ZNF33B: variants seen among roughly 807,000 people sequenced by gnomAD.
The protein encoded by ZNF33B is zinc finger protein 33B, also known as zinc finger protein 11b (KOX 2).
A neutral mutation model predicts 45.8 loss-of-function variants in ZNF33B; 29 were observed. That is an observed-to-expected ratio of 0.63 (90% CI 0.47 to 0.86). ZNF33B has a LOEUF of 0.86. Among genes scored for constraint, ZNF33B ranks in the 40% least tolerant of loss-of-function variants. The probability of loss-of-function intolerance (pLI) is 0.00; values close to 1 mark genes in which losing one functional copy is unlikely to be tolerated. For synonymous variants in ZNF33B, 305 were observed against 307.8 expected (o/e 0.99, Z 0.10); for missense variants, 831 against 909.9 (o/e 0.91, Z 1.12).
chr10:42,617,086 T>G (rs209380), intron 4 of ZNF33B, among the ~76,000 whole-genome samples: 1 of 134,354 alleles, frequency 7.4e-6, no homozygotes, highest in Non-Finnish European at 1.6e-5. Context: ...ATTGTTCATT[T>G]TTTCTCTTTT....
At chr10:42,606,142 C>CA (rs201620137) in intron 4 of ZNF33B, among the ~76,000 whole-genome samples, 6,206 of 127,852 alleles carry the variant, frequency 0.049, 183 homozygotes, top group East Asian at 0.1. Flanking sequence ...AATAATAAAG[C>CA]AAAAAAAAAA....
chr10:42,613,996 A>G (rs1248590789), intron 4 of ZNF33B, among the ~76,000 whole-genome samples: 1 of 152,216 alleles, frequency 6.6e-6, no homozygotes, highest in Non-Finnish European at 1.5e-5. Flanking sequence ...CAAAATTCAT[A>G]AATCTCCACT....
chr10:42,594,051 T>C lies in ZNF33B; in HGVS notation c.899A>G (p.His300Arg), dbSNP rs1179678327. 6.2e-7 allele frequency: 1 copy of C among 1,614,098 alleles called. No individual in the cohort carries two copies. Among genetic ancestry groups the C allele is most frequent in the East Asian group, 2.2e-5 (1 of 44,874 alleles). Residue 300 changes from histidine (H) to arginine (R), a missense_variant, in exon 5 of 5, where the codon CAC becomes CGC. Coordinates refer to ENST00000359467, the MANE Select transcript of ZNF33B (RefSeq NM_006955.3). ...ATTCCCACTTTCACCACAATCATAG[T>C]GTTTCACAGGTACCCCATCATGTTT... ...LSKHDGVPVK[H>R]YDCGESGNNF...
At position 42,626,415 on chromosome 10, in the gene ZNF33B, C is replaced by T. The variant is rs192284543; in HGVS notation, c.250+5514G>A. The stretch of plus-strand genomic sequence containing the variant: ...TAAGAAATGTTCCCTCTTGGCCAGG[C>T]GCAGTGGCTCATGCCTGTAATCCCA... On this transcript the variant is annotated intron_variant, in intron 4 of 4. Coordinates refer to ENST00000359467, the MANE Select transcript of ZNF33B (RefSeq NM_006955.3). Among the ~76,000 whole-genome samples the T allele has an allele frequency of 4.8e-3, 737 of 152,178 alleles. 2 individuals carry two copies. The highest frequency in any genetic ancestry group is 7.1e-3 in the Non-Finnish European group (482 of 68,016).
At position 42,631,976 on chromosome 10, in the gene ZNF33B, TCTC is replaced by T; in HGVS notation, c.200_202del (p.Gly67del). The stretch of plus-strand genomic sequence containing the variant: ...TTCTTCCTCCAGTCTCCATGGTTCT[TCTC>T]CTTGTTCCAGCCTGAAGATCACCTC... On this transcript the variant is annotated inframe_deletion, in exon 4 of 5. Transcript: ENST00000359467. 2.5e-6 allele frequency: 4 copies of T among 1,614,124 alleles called. No homozygotes were observed. The highest frequency in any genetic ancestry group is 1.1e-5 in the South Asian group (1 of 91,082).
chr10:42,625,617 G>A (rs1173419425), intron 4 of ZNF33B, among the ~76,000 whole-genome samples: 2 of 152,176 alleles, frequency 1.3e-5, no homozygotes, highest in Admixed American at 1.3e-4. Flanking sequence ...GGGATTACTG[G>A]CATGCGCCAC....
chr10:42,624,181 G>GC (rs1263144253), intron 4 of ZNF33B, among the ~76,000 whole-genome samples: 2 of 152,082 alleles, frequency 1.3e-5, no homozygotes, highest in African/African-American at 4.8e-5. Context: ...CATCGTGAGG[G>GC]CCCCACCCTC....
intron 4 of ZNF33B, among the ~76,000 whole-genome samples, chr10:42,617,251 G>A (rs1485489654): frequency 8.6e-5 from 13 of 151,234 alleles, no homozygotes; most frequent in Non-Finnish European, 8.8e-5. Context: ...CCACAGGCAC[G>A]CACCACCACA....
intron 2 of ZNF33B, among the ~76,000 whole-genome samples, chr10:42,634,917 C>G (rs928344486): frequency 3.3e-5 from 5 of 152,156 alleles, no homozygotes; most frequent in African/African-American, 1.2e-4. Context: ...ATAAACTAAT[C>G]TAGGGATTGG....
At chr10:42,576,413 G>GA (rs1836750225) in intron 1 of ZNF33B, among the ~76,000 whole-genome samples, 1 of 152,160 alleles carries the variant, frequency 6.6e-6, no homozygotes, top group African/African-American at 2.4e-5. Flanking sequence ...GAGCTCAGGG[G>GA]AGATGCCTCC....
chr10:42,596,854 C>T (rs189470020), intron 4 of ZNF33B, among the ~76,000 whole-genome samples: 15 of 152,032 alleles, frequency 9.9e-5, no homozygotes, highest in South Asian at 2.1e-4. Context: ...AGATTTCCTA[C>T]GTAGATAATC....
intron 2 of ZNF33B, among the ~76,000 whole-genome samples, chr10:42,636,675 C>A (rs2132180865): frequency 6.6e-6 from 1 of 152,212 alleles, no homozygotes; most frequent in South Asian, 2.1e-4. Context: ...AAAAAATTAG[C>A]CAGGCGTGGC....
intron 4 of ZNF33B, among the ~76,000 whole-genome samples, chr10:42,622,087 C>T (rs755238666): frequency 2.9e-4 from 44 of 152,178 alleles, no homozygotes; most frequent in Non-Finnish European, 4.6e-4. Flanking sequence ...ACCTATAGCA[C>T]CATCTAAAAG....
intron 4 of ZNF33B, among the ~76,000 whole-genome samples, chr10:42,606,425 A>T (rs1837854415): frequency 6.6e-6 from 1 of 152,178 alleles, no homozygotes; most frequent in Admixed American, 6.6e-5. Context: ...AGATCGTGCC[A>T]CTGCACTCCA....
At chr10:42,623,911 CA>C (rs1297079936) in intron 4 of ZNF33B, among the ~76,000 whole-genome samples, 1 of 152,210 alleles carries the variant, frequency 6.6e-6, no homozygotes, top group Admixed American at 6.5e-5. Context: ...ATTTCTTTTG[CA>C]TTTTTGTCAA....
chr10:42,613,502 C>G (rs1320209336), intron 4 of ZNF33B, among the ~76,000 whole-genome samples: 1 of 150,952 alleles, frequency 6.6e-6, no homozygotes, highest in African/African-American at 2.4e-5. Flanking sequence ...GAGCCAAGAT[C>G]ACACCACTGC....
downstream of ZNF33B, among the ~76,000 whole-genome samples, chr10:42,585,677 T>C (rs776811693): frequency 6.6e-6 from 1 of 152,248 alleles, no homozygotes; most frequent in Non-Finnish European, 1.5e-5. Context: ...AGCAACTCCA[T>C]GAAATCACTG....
chr10:42,574,499 C>G (rs78043485), exon 2 of ZNF33B: 1 of 152,176 alleles, frequency 6.6e-6, no homozygotes, highest in East Asian at 1.9e-4. Flanking sequence ...AAAACACATA[C>G]ACTTATTTGC....
At position 42,638,474 on chromosome 10, in the gene ZNF33B, C is replaced by T. The variant is rs1178806885; in HGVS notation, c.-45G>A. The T allele has an allele frequency of 9.1e-6, 4 of 437,604 alleles. No homozygotes were observed. Among genetic ancestry groups the T allele is most frequent in the African/African-American group, 8.2e-5 (4 of 49,038 alleles). The allele number at this position is 437,604 out of a possible 1,614,324, so 27.1% of individuals were successfully genotyped here. On this transcript the variant is annotated splice_region_variant and 5_prime_UTR_variant, in exon 1 of 5. Coordinates refer to ENST00000359467, the MANE Select transcript of ZNF33B (RefSeq NM_006955.3). Reference sequence around the variant, plus strand: ...CCCTGCCCAACCCGCGGAGGCTTACCTCACTCTCTCTTCGGGTTGCATTCG... The same window carrying T: ...CCCTGCCCAACCCGCGGAGGCTTACTTCACTCTCTCTTCGGGTTGCATTCG...
Sources: gnomAD v4.1 joint callset for allele counts (sites outside exome capture counted in the v4.1 genomes callset) on GRCh38, gnomAD v4.1.1 for gene constraint, MANE v1.5 for transcripts, NCBI Gene and HGNC (gene_info 2026-07-23, HGNC 2026-07-21) for gene names.